The following SPTLC3 variants were observed in gnomAD, a reference collection of about 807,000 sequenced individuals.
The protein encoded by SPTLC3 is serine palmitoyltransferase 3.
In SPTLC3, 36 loss-of-function variants were observed where a neutral mutation model predicts 59.3. The observed-to-expected ratio is 0.61, with a 90% CI of 0.47 to 0.80. The LOEUF (loss-of-function observed/expected upper bound fraction) is 0.80. Among genes scored for constraint, SPTLC3 ranks in the 30% least tolerant of loss-of-function variants. The probability of loss-of-function intolerance (pLI) is 0.00; values close to 1 mark genes in which losing one functional copy is unlikely to be tolerated. For synonymous variants in SPTLC3, 257 were observed against 240.8 expected (o/e 1.07, Z -0.62); for missense variants, 625 against 685.1 (o/e 0.91, Z 0.98).
chr20:13,072,200 A>T (rs1988464345), intron 2 of SPTLC3, 56 bp from the exon 3 acceptor site: 1 of 1,536,326 alleles, frequency 6.5e-7, no homozygotes, highest in African/African-American at 1.4e-5. Flanking sequence ...CTTCAATTGT[A>T]AGTGAAATCC....
Position 13,066,802 on chromosome 20 carries a change from C to T in SPTLC3, c.304-5454C>T, listed in dbSNP as rs1988229662. Among the ~76,000 whole-genome samples, 5 of 151,552 alleles carry T rather than the reference C, an allele frequency of 3.3e-5. No individual in the cohort carries two copies. In the South Asian group the frequency reaches 1.0e-3, roughly 32 times the overall value. On this transcript the variant is annotated intron_variant, in intron 2 of 11. Transcript: ENST00000399002. ...TTCTCTTCCTTTCCTCCTTAGTCTC[C>T]TTATTTCAATCTTGCCATGTCTATT...
chr20:13,014,178 C>G (rs1985400419), intron 1 of SPTLC3, among the ~76,000 whole-genome samples: 1 of 152,190 alleles, frequency 6.6e-6, no homozygotes, highest in African/African-American at 2.4e-5. Context: ...CGAGGAGAAA[C>G]AGATGCTGCT....
In SPTLC3 at chr20:13,166,035, G is replaced by A. The variant is rs558544342; in HGVS notation, c.*1168G>A. The A allele has an allele frequency of 5.9e-5, 9 of 152,576 alleles. No individual in the cohort carries two copies. The South Asian group carries it at 1.9e-3, about 32-fold the overall frequency. The allele number at this position is 152,576 out of a possible 1,614,324, so 9.5% of individuals were successfully genotyped here. ...AGTAGCCTCTTGTTAATCTGATCTA[G>A]TTTGTATGGAAAAAGCCCATGGAGA... On this transcript the variant is annotated 3_prime_UTR_variant, in exon 12 of 12. Transcript: ENST00000399002.
At chr20:13,074,146 A>G in intron 3 of SPTLC3, 1 of 750,048 alleles carries the variant, frequency 1.3e-6, no homozygotes, top group South Asian at 1.4e-5. Context: ...GGGGGTCTGG[A>G]TCCTCCGAGG....
At chr20:13,009,438 T>TC in intron 1 of SPTLC3, 54 bp downstream of exon 1, 2 of 1,485,688 alleles carry the variant, frequency 1.3e-6, no homozygotes, top group South Asian at 2.3e-5. Context: ...TTTCAATATT[T>TC]CTCTGTGAAG....
chr20:13,102,277 T>G (rs1188467076), intron 6 of SPTLC3, among the ~76,000 whole-genome samples: 1 of 116,040 alleles, frequency 8.6e-6, no homozygotes, highest in African/African-American at 5.8e-5. Flanking sequence ...CTCCCTATCT[T>G]TTAATGATAA....
intron 7 of SPTLC3, among the ~76,000 whole-genome samples, chr20:13,110,704 G>C (rs1295914088): frequency 6.6e-6 from 1 of 152,096 alleles, no homozygotes; most frequent in Non-Finnish European, 1.5e-5. Context: ...CCCCAAGGTA[G>C]GAGTAACCTG....
At chr20:13,140,639 C>T (rs2038359169) in intron 9 of SPTLC3, among the ~76,000 whole-genome samples, 1 of 147,042 alleles carries the variant, frequency 6.8e-6, no homozygotes, top group Non-Finnish European at 1.5e-5. Context: ...AGCATATCTA[C>T]AGGATTAAAA....
At chr20:13,074,606 T>C in intron 4 of SPTLC3, 109 bp downstream of exon 4, 2 of 1,244,160 alleles carry the variant, frequency 1.6e-6, no homozygotes, top group Non-Finnish European at 1.1e-6. Context: ...AAAGGTGTTA[T>C]AAACTGCAGA....
chr20:13,157,313 T>C (rs962293830), intron 10 of SPTLC3, among the ~76,000 whole-genome samples: 1 of 151,284 alleles, frequency 6.6e-6, no homozygotes, highest in Non-Finnish European at 1.5e-5. Context: ...GGCAGGCACC[T>C]GTACTCTCAG....
chr20:13,156,366 C>T (rs992080601), intron 10 of SPTLC3, among the ~76,000 whole-genome samples: 8 of 152,262 alleles, frequency 5.3e-5, no homozygotes, highest in African/African-American at 1.9e-4. Flanking sequence ...AAAACAAATG[C>T]ATGTAACTTC....
intron 2 of SPTLC3, among the ~76,000 whole-genome samples, chr20:13,071,210 T>C (rs998627036): frequency 1.3e-5 from 2 of 152,242 alleles, no homozygotes; most frequent in African/African-American, 4.8e-5. Context: ...ATCTCACTTG[T>C]ATTATTTTCG....
At chr20:13,124,936 A>T (rs541468895) in intron 8 of SPTLC3, among the ~76,000 whole-genome samples, 5 of 152,354 alleles carry the variant, frequency 3.3e-5, no homozygotes, top group African/African-American at 1.2e-4. Flanking sequence ...ATGAGGAAGG[A>T]AGACATAGCG....
chr20:13,103,720 C>T (rs1989714773), intron 6 of SPTLC3, among the ~76,000 whole-genome samples: 1 of 152,172 alleles, frequency 6.6e-6, no homozygotes, highest in Non-Finnish European at 1.5e-5. Context: ...AGCAGGGGCA[C>T]TGAGAAATGG....
At chr20:13,011,439 C>T (rs1384193234) in intron 1 of SPTLC3, among the ~76,000 whole-genome samples, 4 of 152,206 alleles carry the variant, frequency 2.6e-5, no homozygotes, top group African/African-American at 9.7e-5. Context: ...CACCCTTTCT[C>T]TTCCCACTTA....
rs561747954 is a variant in SPTLC3, at chr20:13,042,330, C to A, written c.118-6615C>A. On this transcript the variant is annotated intron_variant, in intron 1 of 11. Coordinates refer to ENST00000399002, the MANE Select transcript of SPTLC3 (RefSeq NM_018327.4). Reference sequence around the variant, plus strand: ...GGGGAATGCTCTGGAGCTCTCTCTCCCACTGGGCAAAGCCAATGAATCACT... The same window carrying A: ...GGGGAATGCTCTGGAGCTCTCTCTCACACTGGGCAAAGCCAATGAATCACT... Among the ~76,000 whole-genome samples, 163 of 152,240 alleles carry A rather than the reference C, an allele frequency of 1.1e-3. 2 individuals are homozygous for A. Among genetic ancestry groups the A allele is most frequent in the South Asian group, 5.2e-3 (25 of 4,822 alleles).
intron 9 of SPTLC3, among the ~76,000 whole-genome samples, chr20:13,135,716 G>A (rs1015023654): frequency 6.6e-6 from 1 of 152,210 alleles, no homozygotes; most frequent in African/African-American, 2.4e-5. Flanking sequence ...AGGAAAGTTG[G>A]AACGATTCTA....
intron 2 of SPTLC3, among the ~76,000 whole-genome samples, chr20:13,062,390 T>C (rs1988009820): frequency 6.6e-6 from 1 of 152,156 alleles, no homozygotes; most frequent in Admixed American, 6.5e-5. Context: ...GATCATAGTC[T>C]CCCACAGTGA....
rs56997176 is a variant in SPTLC3, at chr20:13,164,991, T to C, written c.*124T>C. 43,470 of 705,210 alleles carry C rather than the reference T, an allele frequency of 0.062. 1,560 individuals carry two copies. Among genetic ancestry groups the C allele is most frequent in the Middle Eastern group, 0.1 (338 of 3,358 alleles). 43.7% of individuals were successfully genotyped at this position (705,210 alleles called of 1,614,324 possible). On this transcript the variant is annotated 3_prime_UTR_variant, in exon 12 of 12. Coordinates refer to ENST00000399002, the MANE Select transcript of SPTLC3 (RefSeq NM_018327.4). ...AATTTTGGTTCCCAGACCAGCTTGA[T>C]TGAACTGAGGGAGACGTTGTTGTTT...
Sources: allele counts gnomAD v4.1 joint callset (sites outside exome capture counted in the v4.1 genomes callset), GRCh38; gene constraint gnomAD v4.1.1; transcripts MANE v1.5; gene names NCBI Gene and HGNC (gene_info 2026-07-23, HGNC 2026-07-21).